The following PIAS1 variants were observed in gnomAD, a reference collection of about 807,000 sequenced individuals.
PIAS1 encodes protein inhibitor of activated STAT 1.
PIAS1 carries 6 observed loss-of-function variants against 71.3 expected under a neutral mutation model. The ratio of observed to expected loss-of-function variants is 0.08; its 90% CI spans 0.05 to 0.17. The LOEUF is 0.17. Among genes scored for constraint, PIAS1 ranks in the 10% least tolerant of loss-of-function variants. PIAS1 has a pLI of 1.00. For missense variants in PIAS1, 555 were observed against 793.6 expected, an observed-to-expected ratio of 0.70 and a Z score of 3.61; for synonymous variants, 303 against 292.9, an observed-to-expected ratio of 1.03 and a Z score of -0.35.
intron 2 of PIAS1, among the ~76,000 whole-genome samples, chr15:68,099,259 CTT>C (rs554957140): frequency 1.4e-4 from 19 of 132,552 alleles, no homozygotes; most frequent in Non-Finnish European, 1.6e-4. Context: ...ATATATATTT[CTT>C]TTTTTTTTTT....
chr15:68,192,474 CACA>C lies in PIAS1; in HGVS notation c.*4642_*4644del, dbSNP rs2093124861. On this transcript the variant is annotated 3_prime_UTR_variant, in exon 14 of 14. Transcript: ENST00000249636. ...GACCTGGGCTTCCCAGCCAGATGGT[CACA>C]ACTTCACCTAGTTGGCATTTGGGCC... 6.6e-6 allele frequency: 1 copy of C among 152,250 alleles called. No individual in the cohort carries two copies. The highest frequency in any genetic ancestry group is 2.4e-5 in the African/African-American group (1 of 41,454). The allele number at this position is 152,250 out of a possible 1,614,324, so 9.4% of individuals were successfully genotyped here.
At chr15:68,087,436 A>G (rs1595713413) in intron 2 of PIAS1, among the ~76,000 whole-genome samples, 2 of 152,296 alleles carry the variant, frequency 1.3e-5, no homozygotes, top group East Asian at 1.9e-4. Context: ...ATAAAACTCA[A>G]CTGTTGTGAC....
chr15:68,172,066 C>G lies in PIAS1; in HGVS notation c.1009-1666C>G, dbSNP rs547632771. On this transcript the variant is annotated intron_variant, in intron 8 of 13. Coordinates refer to ENST00000249636, the MANE Select transcript of PIAS1 (RefSeq NM_016166.3). Reference sequence around the variant, plus strand: ...TTCCTAATGCTATCCCTCCCCCAGCCCCCCACCCCAAGACAGGCCCTGGTG... The same window carrying G: ...TTCCTAATGCTATCCCTCCCCCAGCGCCCCACCCCAAGACAGGCCCTGGTG... Among the ~76,000 whole-genome samples the G allele has an allele frequency of 2.0e-5, 3 of 152,056 alleles. No individual in the cohort carries two copies. The South Asian group carries it at 6.2e-4, about 32-fold the overall frequency.
In PIAS1 at chr15:68,084,635, C is replaced by G. The variant is rs75338672; in HGVS notation, c.25-1671C>G. Among the ~76,000 whole-genome samples, 536 of 152,258 alleles carry G rather than the reference C, an allele frequency of 3.5e-3. 2 individuals carry two copies. The highest frequency in any genetic ancestry group is 5.4e-3 in the Non-Finnish European group (368 of 67,992). ...CTGTAGATGCTACCTCCCACCCTTT[C>G]TTCTGGTGTCCTTTCTTACTTGTTT... On this transcript the variant is annotated intron_variant, in intron 1 of 13. Coordinates refer to ENST00000249636, the MANE Select transcript of PIAS1 (RefSeq NM_016166.3).
chr15:68,078,021 T>C (rs1037550963), intron 1 of PIAS1, among the ~76,000 whole-genome samples: 3 of 152,244 alleles, frequency 2.0e-5, no homozygotes, highest in African/African-American at 7.2e-5. Context: ...CATTGTCTCT[T>C]GTCTTATCTG....
chr15:68,056,381 CTTGTT>C (rs2091896433), intron 1 of PIAS1, among the ~76,000 whole-genome samples: 1 of 152,182 alleles, frequency 6.6e-6, no homozygotes, highest in African/African-American at 2.4e-5. Context: ...TGGTGTGAGT[CTTGTT>C]AGGTAAAGTT....
chr15:68,089,973 C>T (rs762057252), intron 2 of PIAS1, among the ~76,000 whole-genome samples: 4 of 151,704 alleles, frequency 2.6e-5, no homozygotes, highest in Non-Finnish European at 4.4e-5. Flanking sequence ...TCTGTCTTTC[C>T]GGCTGAAGCA....
chr15:68,126,426 T>A (rs962582018), intron 2 of PIAS1, among the ~76,000 whole-genome samples: 4 of 152,226 alleles, frequency 2.6e-5, no homozygotes, highest in African/African-American at 4.8e-5. Flanking sequence ...TTCTTTTTTT[T>A]AAACAATAAC....
intron 1 of PIAS1, among the ~76,000 whole-genome samples, chr15:68,079,207 A>G (rs1348268598): frequency 1.3e-5 from 2 of 152,172 alleles, no homozygotes; most frequent in Non-Finnish European, 2.9e-5. Flanking sequence ...AACTTTTGAG[A>G]ATTGAATTAA....
In PIAS1 at chr15:68,187,822, T is replaced by C; in HGVS notation, c.1943T>C (p.Ile648Thr). The C allele has an allele frequency of 6.2e-7, 1 of 1,613,130 alleles. No homozygotes were observed. The highest frequency in any genetic ancestry group is 8.5e-7 in the Non-Finnish European group (1 of 1,179,656). ...ASIFGIIPDIISLD is the reference protein window; with the variant it reads ...ASIFGIIPDITSLD ...ATCTTTGGCATCATACCAGACATTATTTCATTGGACTGATTCCCAGGCCCT... is the reference window on the plus strand; with the variant it reads ...ATCTTTGGCATCATACCAGACATTACTTCATTGGACTGATTCCCAGGCCCT... Residue 648 changes from isoleucine to threonine, a missense_variant, in exon 14 of 14, where the codon ATT becomes ACT. Transcript: ENST00000249636. This position sits in a 1 kb window ranked among gnomAD's most constrained non-coding sequence, Gnocchi z 5.3.
At chr15:68,134,622 ACCC>A (rs59318437) in intron 2 of PIAS1, among the ~76,000 whole-genome samples, 1 of 21,170 alleles carries the variant, frequency 4.7e-5, no homozygotes, top group African/African-American at 8.3e-5. Flanking sequence ...CGGGGGGCTA[ACCC>A]CCCCCACCTC....
At chr15:68,182,490 C>CGTGTGTGTTTGT (rs2093060928) in intron 12 of PIAS1, among the ~76,000 whole-genome samples, 1 of 123,280 alleles carries the variant, frequency 8.1e-6, no homozygotes, top group East Asian at 2.2e-4. Flanking sequence ...GCTCAGGCTG[C>CGTGTGTGTTTGT]GTGTGTGTGT....
intron 2 of PIAS1, among the ~76,000 whole-genome samples, chr15:68,112,827 T>C (rs552574328): frequency 7.6e-6 from 1 of 132,266 alleles, no homozygotes; most frequent in African/African-American, 2.9e-5. Context: ...GTCTTTTGAC[T>C]TGCCCATTCT....
intron 1 of PIAS1, among the ~76,000 whole-genome samples, chr15:68,072,526 A>G (rs1185856109): frequency 6.6e-6 from 1 of 151,668 alleles, no homozygotes; most frequent in Non-Finnish European, 1.5e-5. Flanking sequence ...AAGGAAAGGG[A>G]CAGAATTCTG....
At chr15:68,082,343 A>G (rs2092236876) in intron 1 of PIAS1, among the ~76,000 whole-genome samples, 1 of 152,178 alleles carries the variant, frequency 6.6e-6, no homozygotes, top group South Asian at 2.1e-4. Flanking sequence ...AAATTCCATG[A>G]CCATAATTGT....
chr15:68,181,142 A>G, intron 11 of PIAS1, 70 bp from the exon 12 acceptor site: 1 of 1,375,602 alleles, frequency 7.3e-7, no homozygotes. Flanking sequence ...GTGAGATACA[A>G]CCCCTTTTTT....
intron 7 of PIAS1, among the ~76,000 whole-genome samples, chr15:68,162,562 C>T (rs897409614): frequency 3.3e-5 from 5 of 152,042 alleles, no homozygotes; most frequent in Non-Finnish European, 7.4e-5. Flanking sequence ...GCTGAGAATG[C>T]CCACAATAGA....
At chr15:68,168,166 G>C (rs185396431) in intron 8 of PIAS1, among the ~76,000 whole-genome samples, 1 of 151,468 alleles carries the variant, frequency 6.6e-6, no homozygotes, top group African/African-American at 2.4e-5. Context: ...CTGTCACCAC[G>C]CCCGGCTAAT....
At chr15:68,143,625 A>G (rs911954643) in intron 4 of PIAS1, among the ~76,000 whole-genome samples, 2 of 152,136 alleles carry the variant, frequency 1.3e-5, no homozygotes, top group African/African-American at 4.8e-5. Flanking sequence ...TTAAAGGACA[A>G]AAATAAGATG....
Sources: gnomAD v4.1 joint callset for allele counts (sites outside exome capture counted in the v4.1 genomes callset) on GRCh38, gnomAD v4.1.1 for gene constraint, Gnocchi (gnomAD v3.1) non-coding constraint, MANE v1.5 for transcripts, NCBI Gene and HGNC (gene_info 2026-07-23, HGNC 2026-07-21) for gene names.